Variants in PEPD observed in about 807,000 individuals in gnomAD.
PEPD encodes the protein xaa-Pro dipeptidase.
A neutral mutation model predicts 60.7 loss-of-function variants in PEPD; 53 were observed. The observed-to-expected ratio is 0.87, with a 90% CI of 0.70 to 1.10. The LOEUF is 1.10. PEPD is among the 50% of genes least tolerant of loss of function. PEPD has a pLI of 0.00. For synonymous variants in PEPD, 267 were observed against 284.1 expected, an observed-to-expected ratio of 0.94 and a Z score of 0.60; for missense variants, 711 against 711.9, an observed-to-expected ratio of 1.00 and a Z score of 0.01.
chr19:33,436,801 T>TGA (rs1969386355), intron 9 of PEPD, among the ~76,000 whole-genome samples: 1 of 152,184 alleles, frequency 6.6e-6, no homozygotes, highest in Non-Finnish European at 1.5e-5. Context: ...TGCCTAGCTC[T>TGA]CTGGGTGCGA....
rs115891109 is a variant in PEPD at position 33,474,003 on chromosome 19, C to T, written c.548+4043G>A. ...TGTGCTAGGAGAGGCTGCTTGCTGC[C>T]TTCCAATCAAGACAGGCTCCTGAGG... On this transcript the variant is annotated intron_variant, in intron 7 of 14. Coordinates refer to ENST00000244137, the MANE Select transcript of PEPD (RefSeq NM_000285.4). Among the ~76,000 whole-genome samples, 1,068 of 152,326 alleles carry T rather than the reference C, an allele frequency of 7.0e-3. 17 individuals carry two copies. Among genetic ancestry groups the T allele is most frequent in the African/African-American group, 0.024 (1,018 of 41,556 alleles).
chr19:33,480,310 G>A (rs1408155992), intron 6 of PEPD, among the ~76,000 whole-genome samples: 1 of 152,078 alleles, frequency 6.6e-6, no homozygotes, highest in African/African-American at 2.4e-5. Flanking sequence ...ACAAAGAAGG[G>A]CATTTTATAA....
rs150480237 is a variant in PEPD at position 33,435,648 on chromosome 19, A to T, written c.672-22005T>A. 6.6e-5 allele frequency among the ~76,000 whole-genome samples: 10 copies of T among 152,302 alleles called. No individual in the cohort carries two copies. The East Asian group carries it at 1.9e-3, about 29-fold the overall frequency. ...TCAGGTGCTGCGCTTGTAAAGTGGG[A>T]GTGACAGCCACGCTTTGGCTGTTGT... On this transcript the variant is annotated intron_variant, in intron 9 of 14. Coordinates refer to ENST00000244137, the MANE Select transcript of PEPD (RefSeq NM_000285.4).
chr19:33,488,372 TGCTGCA>T (rs1970435633), intron 6 of PEPD, among the ~76,000 whole-genome samples: 2 of 152,044 alleles, frequency 1.3e-5, no homozygotes, highest in Non-Finnish European at 2.9e-5. Flanking sequence ...AGGGTCCCCC[TGCTGCA>T]GAGACCCAAA....
intron 3 of PEPD, among the ~76,000 whole-genome samples, chr19:33,507,276 G>A (rs907102328): frequency 6.6e-6 from 1 of 152,132 alleles, no homozygotes; most frequent in African/African-American, 2.4e-5. Flanking sequence ...GACTCACAGA[G>A]GCCCACAGCC....
intron 6 of PEPD, among the ~76,000 whole-genome samples, chr19:33,481,141 G>C (rs1310717566): frequency 6.6e-6 from 1 of 152,052 alleles, no homozygotes; most frequent in African/African-American, 2.4e-5. Context: ...ATGAAAAAGG[G>C]GGAAATTACT....
intron 1 of PEPD, among the ~76,000 whole-genome samples, chr19:33,520,563 G>A (rs1403454317): frequency 6.6e-6 from 1 of 152,176 alleles, no homozygotes; most frequent in African/African-American, 2.4e-5. Flanking sequence ...AGTACCTTAA[G>A]GGAAGACCCA....
intron 4 of PEPD, among the ~76,000 whole-genome samples, chr19:33,500,550 A>G (rs1970687753): frequency 6.6e-6 from 1 of 152,192 alleles, no homozygotes; most frequent in African/African-American, 2.4e-5. Context: ...CTTTTCTGAC[A>G]GTGGCATCTG....
At position 33,387,261 on chromosome 19, in the gene PEPD, T is replaced by C. The variant is rs1474147557; in HGVS notation, c.*83A>G. On this transcript the variant is annotated 3_prime_UTR_variant, in exon 15 of 15. Transcript: ENST00000244137. ...GATTCTGGGTGCCGTCTCTCGCTACTGGAGTGCTGACCAGCAGGCTGCCCA... is the reference window on the plus strand; with the variant it reads ...GATTCTGGGTGCCGTCTCTCGCTACCGGAGTGCTGACCAGCAGGCTGCCCA... 2.0e-6 allele frequency: 3 copies of C among 1,531,684 alleles called. No homozygotes were observed. The highest frequency in any genetic ancestry group is 2.7e-6 in the Non-Finnish European group (3 of 1,112,566). 94.9% of individuals were successfully genotyped at this position (1,531,684 alleles called of 1,614,324 possible). A position where few individuals can be genotyped will look rare whatever the true frequency, so the allele number is the denominator to read the frequency against.
At position 33,434,736 on chromosome 19, in the gene PEPD, T is replaced by C. The variant is rs571755088; in HGVS notation, c.672-21093A>G. Among the ~76,000 whole-genome samples the C allele has an allele frequency of 6.0e-4, 91 of 152,068 alleles. 1 individual carries two copies. Among genetic ancestry groups the C allele is most frequent in the Middle Eastern group, 3.4e-3 (1 of 292 alleles). The stretch of plus-strand genomic sequence containing the variant: ...TGCCACCCAGGGTGTCCAAATCAGC[T>C]GGGAAAGGTCACGCCCTTTGGGTGG... On this transcript the variant is annotated intron_variant, in intron 9 of 14. Transcript: ENST00000244137.
At chr19:33,514,440 C>T (rs1042274426) in intron 1 of PEPD, among the ~76,000 whole-genome samples, 6 of 152,006 alleles carry the variant, frequency 3.9e-5, no homozygotes, top group Non-Finnish European at 7.4e-5. Context: ...GGCTCCAATA[C>T]GACCTTTTCC....
Position 33,511,137 on chromosome 19 carries a change from C to G in PEPD, c.220G>C (p.Ala74Pro). 1 of 1,614,004 alleles carries G rather than the reference C, an allele frequency of 6.2e-7. No individual in the cohort carries two copies. ...CAGCCTGGCTCAGTGACACCGAACG[C>G]CCAGTGAAAGAAGGACTCCTGTGGC... ...LFRQESFFHW[A>P]FGVTEPGCYG... is the part of the protein sequence containing the mutation. The change falls in exon 3 of 15, where the codon GCG becomes CCG. Residue 74 changes from alanine (A) to proline (P), a missense_variant. Transcript: ENST00000244137.
intron 12 of PEPD, among the ~76,000 whole-genome samples, chr19:33,393,696 C>T (rs1968294093): frequency 1.3e-5 from 2 of 152,380 alleles, no homozygotes; most frequent in Admixed American, 6.5e-5. Context: ...CCTGGTTCCA[C>T]ACTTGACATT....
chr19:33,422,538 C>A (rs76617274), intron 9 of PEPD, among the ~76,000 whole-genome samples: 9,705 of 151,844 alleles, frequency 0.064, 1,061 homozygotes, highest in African/African-American at 0.22. Context: ...TACCTATCAT[C>A]CATCTACCCA....
intron 9 of PEPD, among the ~76,000 whole-genome samples, chr19:33,435,922 G>A (rs1406708817): frequency 6.6e-6 from 1 of 152,192 alleles, no homozygotes; most frequent in Non-Finnish European, 1.5e-5. Flanking sequence ...GTGGGGGCAT[G>A]GGAGAGGCAT....
intron 11 of PEPD, among the ~76,000 whole-genome samples, chr19:33,406,917 G>A (rs7254851): frequency 0.063 from 9,582 of 152,188 alleles, 1,012 homozygotes; most frequent in African/African-American, 0.22. Context: ...TCTCCTCCTA[G>A]CCAGGCTGGC....
In PEPD at chr19:33,391,334, G is replaced by A. The variant is rs767622921; in HGVS notation, c.1113C>T (p.Phe371=). ...AVFMPHGLGH[F]LGIDVHDVGG... ...CCACGTCGTGCACGTCAATGCCCAGGAAGTGGCCAAGCCCGTGAGGCATAA... is the reference window on the plus strand; with the variant it reads ...CCACGTCGTGCACGTCAATGCCCAGAAAGTGGCCAAGCCCGTGAGGCATAA... Residue 371 remains phenylalanine (F), a synonymous_variant, in exon 13 of 15, where the codon TTC becomes TTT. Transcript: ENST00000244137. 3 of 1,611,972 alleles carry A rather than the reference G, an allele frequency of 1.9e-6. No individual in the cohort carries two copies. Among genetic ancestry groups the A allele is most frequent in the South Asian group, 2.2e-5 (2 of 90,794 alleles).
At chr19:33,462,618 C>T (rs910725032) in intron 9 of PEPD, among the ~76,000 whole-genome samples, 5 of 152,142 alleles carry the variant, frequency 3.3e-5, no homozygotes, top group Admixed American at 2.0e-4. Flanking sequence ...CCCAGTCGCC[C>T]GAGCACAGCA....
chr19:33,413,701 C>T (rs1968830751), intron 9 of PEPD, 58 bp from the exon 10 acceptor site: 9 of 1,058,618 alleles, frequency 8.5e-6, no homozygotes, highest in South Asian at 2.7e-5. Context: ...CCCCACTCCA[C>T]GAGCCCCATG....
Sources: gnomAD v4.1 joint callset for allele counts (sites outside exome capture counted in the v4.1 genomes callset) on GRCh38, gnomAD v4.1.1 for gene constraint, MANE v1.5 for transcripts, NCBI Gene and HGNC (gene_info 2026-07-23, HGNC 2026-07-21) for gene names.